Variants in DIS3 observed in about 807,000 individuals in gnomAD.
The protein encoded by DIS3 is exosome complex exonuclease RRP44.
Under a neutral mutation model 113.0 loss-of-function variants are expected in DIS3, and 103 were observed. The observed-to-expected ratio is 0.91, with a 90% CI of 0.78 to 1.07. The LOEUF is 1.07. DIS3 is among the 50% of genes least tolerant of loss of function. The pLI, the probability that DIS3 is intolerant of heterozygous loss-of-function variation, is 0.00. For synonymous variants in DIS3, 402 were observed against 394.3 expected (o/e 1.02, Z -0.23); for missense variants, 1,121 against 1,167.1 (o/e 0.96, Z 0.58).
chr13:72,766,728 G>A (rs2138175162), intron 14 of DIS3, among the ~76,000 whole-genome samples: 1 of 152,248 alleles, frequency 6.6e-6, no homozygotes, highest in Non-Finnish European at 1.5e-5. Flanking sequence ...CAAGTCTAAT[G>A]TTTCTTACAC....
At position 72,775,369 on chromosome 13, in the gene DIS3, A is replaced by G. The variant is rs1191066660; in HGVS notation, c.829T>C (p.Leu277=). 2 of 1,599,826 alleles carry G rather than the reference A, an allele frequency of 1.3e-6. No homozygotes were observed. The highest frequency in any genetic ancestry group is 1.7e-6 in the Non-Finnish European group (2 of 1,174,986). ...GDNEENKEII[L]QGLKHLNRAV... ...CTGTTTAAATGTTTAAGTCCCTGTA[A>G]GATTATCTGTTTAAAACAACAGAGG... Residue 277 remains leucine, a synonymous_variant, in exon 6 of 21, where the codon TTA becomes CTA. Transcript: ENST00000377767.
Position 72,771,080 on chromosome 13 carries a change from C to G in DIS3, c.1670+1G>C, listed in dbSNP as rs751055250. On this transcript the variant is annotated splice_donor_variant, in intron 12 of 20. Transcript: ENST00000377767. LOFTEE classifies it high-confidence loss of function. ...AAGGAAAAAAAACCATGCAGAAATA[C>G]CTGTCCACGTCACATTTTAAGGAAC... The G allele has an allele frequency of 1.9e-6, 3 of 1,613,192 alleles. No individual in the cohort carries two copies. Among genetic ancestry groups the G allele is most frequent in the South Asian group, 1.1e-5 (1 of 90,982 alleles).
chr13:72,770,280 TG>T (rs1329804331), intron 13 of DIS3, among the ~76,000 whole-genome samples: 1 of 151,814 alleles, frequency 6.6e-6, no homozygotes, highest in African/African-American at 2.4e-5. Context: ...TGCTTATAAT[TG>T]GAAAAAAAAA....
rs759664207 is a variant in DIS3 at position 72,755,208 on chromosome 13, A to G, written c.*4587T>C. ...AACAGCAAGCCCTTTTCAATGCAGC[A>G]GTCCATAGAATGCCTCTGTCAGAAT... On this transcript the variant is annotated 3_prime_UTR_variant, in exon 21 of 21. Coordinates refer to ENST00000377767, the MANE Select transcript of DIS3 (RefSeq NM_014953.5). The G allele has an allele frequency of 1.1e-5, 18 of 1,612,178 alleles. No homozygotes were observed. The Admixed American group carries it at 2.7e-4, about 24-fold the overall frequency.
chr13:72,767,787 G>GA (rs1474934745), intron 14 of DIS3, among the ~76,000 whole-genome samples: 1 of 152,158 alleles, frequency 6.6e-6, no homozygotes, highest in Non-Finnish European at 1.5e-5. Context: ...TGACACAAAT[G>GA]TACAATCCGC....
chr13:72,780,792 C>A (rs1047176770), intron 2 of DIS3, 54 bp downstream of exon 2: 1 of 1,516,576 alleles, frequency 6.6e-7, no homozygotes, highest in African/African-American at 1.4e-5. Flanking sequence ...GAACCCTCTC[C>A]CGAATTTTGC....
At chr13:72,779,123 C>CTT (rs563966682) in intron 2 of DIS3, among the ~76,000 whole-genome samples, 3 of 140,230 alleles carry the variant, frequency 2.1e-5, no homozygotes, top group Non-Finnish European at 3.1e-5. Context: ...CTTGCTAATG[C>CTT]TTTTTTTTTT....
At chr13:72,775,733 G>A (rs999650505) in intron 5 of DIS3, among the ~76,000 whole-genome samples, 192 bp downstream of exon 5, 1 of 151,674 alleles carries the variant, frequency 6.6e-6, no homozygotes, top group Non-Finnish European at 1.5e-5. Context: ...TAAATGAAAT[G>A]CCATGCGCAA....
rs1282839055 is a variant in DIS3 at position 72,763,627 on chromosome 13, TAAAC to T, written c.1971-24_1971-21del. The T allele has an allele frequency of 1.4e-5, 23 of 1,595,440 alleles. No individual in the cohort carries two copies. The East Asian group carries it at 5.1e-4, about 36-fold the overall frequency. The stretch of plus-strand genomic sequence containing the variant: ...GTTTCCCTGCCAATGGAAAAAGCAT[TAAAC>T]AAACAAAAAAGAGAATCTGAGACTT... On this transcript the variant is annotated intron_variant, in intron 15 of 20. Transcript: ENST00000377767.
intron 5 of DIS3, 44 bp from the exon 6 acceptor site, chr13:72,775,419 G>T: frequency 6.5e-7 from 1 of 1,537,918 alleles, no homozygotes. Context: ...TATTTTTAAT[G>T]GCAATATAAT....
rs368355044 is a variant in DIS3, at chr13:72,772,131, AG to A, written c.1503+27del. The A allele has an allele frequency of 1.1e-5, 17 of 1,540,678 alleles. No individual in the cohort carries two copies. In the African/African-American group the frequency reaches 2.3e-4, roughly 21 times the overall value. ...ATGAACTCAGAACAGAACTATATTTAGGTAAGAACACTATTACATATGAATA... is the reference window on the plus strand; with the variant it reads ...ATGAACTCAGAACAGAACTATATTTAGTAAGAACACTATTACATATGAATA... On this transcript the variant is annotated intron_variant, in intron 10 of 20. Transcript: ENST00000377767.
intron 6 of DIS3, among the ~76,000 whole-genome samples, chr13:72,774,777 T>C (rs976957827): frequency 6.6e-6 from 1 of 152,138 alleles, no homozygotes; most frequent in Non-Finnish European, 1.5e-5. Flanking sequence ...TCATAATAAA[T>C]ATGGTATCAG....
Position 72,776,002 on chromosome 13 carries a change from C to G in DIS3, c.745G>C (p.Gly249Arg). ...QGIKSGTYLQGTFRASRENYL... is the reference protein window; with the variant it reads ...QGIKSGTYLQRTFRASRENYL... ...TTTTCCCTGCTAGCTCTAAATGTTC[C>G]TTGAAGGTATGTACCAGATTTTATG... The change falls in exon 5 of 21, where the codon GGA becomes CGA. Residue 249 changes from glycine to arginine, a missense_variant. Around this residue, in one of 3 missense-constraint regions of DIS3, gnomAD observed 861 missense variants for 915.5 expected, o/e 0.94. Transcript: ENST00000377767. 6.2e-7 allele frequency: 1 copy of G among 1,610,854 alleles called. No individual in the cohort carries two copies. Among genetic ancestry groups the G allele is most frequent in the South Asian group, 1.1e-5 (1 of 90,256 alleles).
chr13:72,753,537 T>C lies in DIS3; in HGVS notation c.*6258A>G, dbSNP rs960274782. The stretch of plus-strand genomic sequence containing the variant: ...TACTATGCAGGACTACCTTTTATAT[T>C]TGTGCATTACTTTTGAATTTTGTTC... On this transcript the variant is annotated 3_prime_UTR_variant, in exon 21 of 21. Coordinates refer to ENST00000377767, the MANE Select transcript of DIS3 (RefSeq NM_014953.5). The C allele has an allele frequency of 7.0e-6, 5 of 716,616 alleles. No individual in the cohort carries two copies. The African/African-American group carries it at 8.9e-5, about 13-fold the overall frequency. The allele number at this position is 716,616 out of a possible 1,614,324, so 44.4% of individuals were successfully genotyped here.
chr13:72,773,708 C>T lies in DIS3; in HGVS notation c.1215G>A (p.Trp405Ter), dbSNP rs937219474. Residue 405 changes from tryptophan (W) to a stop codon, truncating the protein, a stop_gained, in exon 8 of 21, where the codon TGG (tryptophan) becomes TGA (stop). Coordinates refer to ENST00000377767, the MANE Select transcript of DIS3 (RefSeq NM_014953.5). LOFTEE classifies it high-confidence loss of function. ...CATTTGGATATCTGGAATTTCTGGG[C>T]CAACCATCAATAGCAACAATAATTC... ...GRRIIVAIDGWPRNSRYPNGH... is the reference protein window; with the variant it reads ...GRRIIVAIDG 1 of 1,610,924 alleles carries T rather than the reference C, an allele frequency of 6.2e-7. No individual in the cohort carries two copies. The highest frequency in any genetic ancestry group is 8.5e-7 in the Non-Finnish European group (1 of 1,179,252).
Position 72,756,541 on chromosome 13 carries a change from G to A in DIS3, c.*3254C>T, listed in dbSNP as rs2033478966. The A allele has an allele frequency of 2.6e-5, 4 of 152,142 alleles. No homozygotes were observed. The highest frequency in any genetic ancestry group is 2.0e-4 in the Admixed American group (3 of 15,274). 9.4% of individuals were successfully genotyped at this position (152,142 alleles called of 1,614,324 possible). On this transcript the variant is annotated 3_prime_UTR_variant, in exon 21 of 21. Coordinates refer to ENST00000377767, the MANE Select transcript of DIS3 (RefSeq NM_014953.5). ...TCAAATCCCTACTCTGTCACTACTT[G>A]ATCTGGGCTGATATGGTATGGCTCT...
At chr13:72,769,328 G>C (rs1323455631) in intron 13 of DIS3, among the ~76,000 whole-genome samples, 1 of 152,112 alleles carries the variant, frequency 6.6e-6, no homozygotes, top group Non-Finnish European at 1.5e-5. Flanking sequence ...CAGGAGTCGA[G>C]ACACCATGTT....
At position 72,759,221 on chromosome 13, in the gene DIS3, T is replaced by C. The variant is rs759607186; in HGVS notation, c.*574A>G. 37 of 198,674 alleles carry C rather than the reference T, an allele frequency of 1.9e-4. No individual in the cohort carries two copies. Among genetic ancestry groups the C allele is most frequent in the Non-Finnish European group, 2.0e-4 (19 of 96,102 alleles). The allele number at this position is 198,674 out of a possible 1,614,324, so 12.3% of individuals were successfully genotyped here. A position where few individuals can be genotyped will look rare whatever the true frequency, so the allele number is the denominator to read the frequency against. On this transcript the variant is annotated 3_prime_UTR_variant, in exon 21 of 21. Transcript: ENST00000377767. ...AGGTCAAAATATCCTACTTTTTGCC[T>C]TTCTACCAATTCCCAAACATTCACA...
At chr13:72,769,421 A>G (rs1367901341) in intron 13 of DIS3, among the ~76,000 whole-genome samples, 1 of 152,114 alleles carries the variant, frequency 6.6e-6, no homozygotes, top group Non-Finnish European at 1.5e-5. Flanking sequence ...AGTAATCCCC[A>G]ATGAAAAATA....
Sources: gnomAD v4.1 joint callset for allele counts (sites outside exome capture counted in the v4.1 genomes callset) on GRCh38, gnomAD v4.1.1 for gene constraint, gnomAD v4.1.1 regional missense constraint, MANE v1.5 for transcripts, NCBI Gene and HGNC (gene_info 2026-07-23, HGNC 2026-07-21) for gene names.